The following CSGALNACT1 variants were observed in gnomAD, a reference collection of about 807,000 sequenced individuals.
CSGALNACT1 encodes chondroitin sulfate N-acetylgalactosaminyltransferase 1.
In CSGALNACT1, 52 loss-of-function variants were observed where a neutral mutation model predicts 51.0. That is an observed-to-expected ratio of 1.02 (90% CI 0.82 to 1.29). CSGALNACT1 has a LOEUF of 1.29. CSGALNACT1 is among the 50% of genes most tolerant of loss of function. CSGALNACT1 has a pLI of 0.00. For synonymous variants in CSGALNACT1, 341 were observed against 254.4 expected (o/e 1.34, Z -3.24); for missense variants, 935 against 679.2 (o/e 1.38, Z -4.19).
chr8:19,736,983 G>C (rs898343167), intron 1 of CSGALNACT1, among the ~76,000 whole-genome samples: 2 of 151,848 alleles, frequency 1.3e-5, no homozygotes, highest in African/African-American at 2.4e-5. Context: ...GGAGAGAGTA[G>C]AGATAGGAAA....
intron 6 of CSGALNACT1, among the ~76,000 whole-genome samples, chr8:19,431,602 A>G (rs113127058): frequency 6.6e-6 from 1 of 151,896 alleles, no homozygotes; most frequent in Non-Finnish European, 1.5e-5. Flanking sequence ...TTATATTCAT[A>G]GGGATACTGA....
chr8:19,613,615 A>C (rs2052602362), intron 1 of CSGALNACT1, among the ~76,000 whole-genome samples: 1 of 152,240 alleles, frequency 6.6e-6, no homozygotes, highest in South Asian at 2.1e-4. Flanking sequence ...TTTTAAAGAA[A>C]TAAATTTTGT....
intron 1 of CSGALNACT1, among the ~76,000 whole-genome samples, chr8:19,701,964 C>T (rs2061904942): frequency 6.6e-6 from 1 of 152,174 alleles, no homozygotes; most frequent in Admixed American, 6.5e-5. Flanking sequence ...TATTATATGC[C>T]ATCCCCAAAT....
chr8:19,466,352 A>T (rs2153835223), intron 4 of CSGALNACT1, among the ~76,000 whole-genome samples: 1 of 152,314 alleles, frequency 6.6e-6, no homozygotes, highest in East Asian at 1.9e-4. Flanking sequence ...TGATCATTTA[A>T]GATAAAGAAA....
At chr8:19,428,576 C>T (rs2059144355) in intron 6 of CSGALNACT1, among the ~76,000 whole-genome samples, 1 of 152,196 alleles carries the variant, frequency 6.6e-6, no homozygotes, top group South Asian at 2.1e-4. Context: ...GGTGGGAACA[C>T]AGCCAAACCA....
At chr8:19,597,622 A>ATTAAACT (rs2049245402) in intron 2 of CSGALNACT1, among the ~76,000 whole-genome samples, 2 of 152,050 alleles carry the variant, frequency 1.3e-5, no homozygotes, top group Non-Finnish European at 2.9e-5. Flanking sequence ...ATTTTTAAAC[A>ATTAAACT]ATTAATTTAA....
At chr8:19,649,175 G>C (rs1335325271) in intron 1 of CSGALNACT1, among the ~76,000 whole-genome samples, 1 of 152,174 alleles carries the variant, frequency 6.6e-6, no homozygotes, top group Non-Finnish European at 1.5e-5. Flanking sequence ...TTTTGCAGAT[G>C]AGAAAAATGG....
intron 3 of CSGALNACT1, among the ~76,000 whole-genome samples, chr8:19,551,358 G>A (rs1438081825): frequency 6.6e-6 from 1 of 152,086 alleles, no homozygotes; most frequent in Non-Finnish European, 1.5e-5. Context: ...AGCATGTCAG[G>A]ACAACAGCAC....
At chr8:19,603,832 A>G (rs1192816486), upstream of CSGALNACT1, among the ~76,000 whole-genome samples, 1 of 152,244 alleles carries the variant, frequency 6.6e-6, no homozygotes, top group East Asian at 1.9e-4. Context: ...TTGTTTTAAC[A>G]ATGAAAACAA....
chr8:19,583,092 T>G (rs2045925803), intron 3 of CSGALNACT1, among the ~76,000 whole-genome samples: 1 of 152,180 alleles, frequency 6.6e-6, no homozygotes. Context: ...AATTTTTATT[T>G]GTCAATCATA....
At chr8:19,723,160 A>C (rs1393521965) in intron 1 of CSGALNACT1, among the ~76,000 whole-genome samples, 1 of 152,232 alleles carries the variant, frequency 6.6e-6, no homozygotes, top group Non-Finnish European at 1.5e-5. Context: ...GCTCTGGCCC[A>C]AAGACCCAAC....
chr8:19,544,165 T>C (rs1224826922), intron 3 of CSGALNACT1, among the ~76,000 whole-genome samples: 1 of 152,138 alleles, frequency 6.6e-6, no homozygotes, highest in Non-Finnish European at 1.5e-5. Flanking sequence ...GCTGTCAAAC[T>C]ATAGATTTAG....
At chr8:19,477,623 C>G (rs978973350) in intron 4 of CSGALNACT1, among the ~76,000 whole-genome samples, 1 of 152,180 alleles carries the variant, frequency 6.6e-6, no homozygotes, top group Non-Finnish European at 1.5e-5. Context: ...AAATGGTCTT[C>G]ATATCCCAAT....
intron 5 of CSGALNACT1, among the ~76,000 whole-genome samples, chr8:19,440,776 T>C (rs1011523536): frequency 1.8e-4 from 28 of 151,910 alleles, no homozygotes; most frequent in Non-Finnish European, 4.1e-4. Context: ...GGAAGTCAAA[T>C]TGTCCCTGTT....
chr8:19,726,141 C>G (rs909454300), intron 1 of CSGALNACT1, among the ~76,000 whole-genome samples: 13 of 152,038 alleles, frequency 8.6e-5, no homozygotes, highest in Non-Finnish European at 1.8e-4. Context: ...CCTGCATCGC[C>G]TGTATATTGG....
In CSGALNACT1 at chr8:19,748,314, C is replaced by T. The variant is rs182371517; in HGVS notation, c.-297+9536G>A. On this transcript the variant is annotated intron_variant, in intron 1 of 1. Coordinates refer to the CSGALNACT1 transcript ENST00000517494. ...GAACTTCAAAGATATCAAGGGATTTCTGGGATTAGTTTCCAAACCCAAGCA... is the reference window on the plus strand; with the variant it reads ...GAACTTCAAAGATATCAAGGGATTTTTGGGATTAGTTTCCAAACCCAAGCA... Among the ~76,000 whole-genome samples, 140 of 152,314 alleles carry T rather than the reference C, an allele frequency of 9.2e-4. No individual in the cohort carries two copies. In the Middle Eastern group the frequency reaches 0.014, roughly 15 times the overall value.
At chr8:19,651,045 A>C (rs2057758858) in intron 1 of CSGALNACT1, among the ~76,000 whole-genome samples, 1 of 152,156 alleles carries the variant, frequency 6.6e-6, no homozygotes, top group South Asian at 2.1e-4. Context: ...AGAAGTGAAC[A>C]TTTCCTCTGG....
At chr8:19,503,775 A>T (rs2076822262) in intron 4 of CSGALNACT1, among the ~76,000 whole-genome samples, 1 of 150,840 alleles carries the variant, frequency 6.6e-6, no homozygotes, top group Non-Finnish European at 1.5e-5. Flanking sequence ...GTTTCATATG[A>T]ATGAGTTTTT....
intron 1 of CSGALNACT1, among the ~76,000 whole-genome samples, chr8:19,631,190 GT>G (rs1180259735): frequency 1.3e-5 from 2 of 151,962 alleles, no homozygotes; most frequent in Non-Finnish European, 2.9e-5. Flanking sequence ...GTGCACCTAA[GT>G]TTTCAACTTA....
Sources: gnomAD v4.1 joint callset for allele counts (sites outside exome capture counted in the v4.1 genomes callset) on GRCh38, gnomAD v4.1.1 for gene constraint, MANE v1.5 for transcripts, NCBI Gene and HGNC (gene_info 2026-07-23, HGNC 2026-07-21) for gene names.